STON1: variants seen among roughly 807,000 people sequenced by gnomAD.
STON1 encodes stonin 1.
A neutral mutation model predicts 60.9 loss-of-function variants in STON1; 79 were observed. The observed-to-expected ratio is 1.30, with a 90% CI of 1.08 to 1.56. STON1 has a LOEUF of 1.56. Ranked by LOEUF, STON1 falls within the 40% of genes most tolerant of loss-of-function variation. The pLI, the probability that STON1 is intolerant of heterozygous loss-of-function variation, is 0.00. For missense variants in STON1, 1,166 were observed against 858.9 expected (o/e 1.36, Z -4.47); for synonymous variants, 363 against 306.9 (o/e 1.18, Z -1.91).
Position 48,576,916 on chromosome 2 carries a change from C to T in STON1, c.-47-3671C>T, listed in dbSNP as rs1200973589. 3.3e-5 allele frequency among the ~76,000 whole-genome samples: 5 copies of T among 151,944 alleles called. No individual in the cohort carries two copies. The East Asian group carries it at 5.9e-4, about 18-fold the overall frequency. ...AAAAATACAAAAAATTAGCCGGGCGCGGTGGCGGGCGCCTGTAGTCCCAGC... is the reference window on the plus strand; with the variant it reads ...AAAAATACAAAAAATTAGCCGGGCGTGGTGGCGGGCGCCTGTAGTCCCAGC... On this transcript the variant is annotated intron_variant, in intron 1 of 3. Coordinates refer to ENST00000404752, the MANE Select transcript of STON1 (RefSeq NM_006873.4).
intron 1 of STON1, among the ~76,000 whole-genome samples, chr2:48,557,235 A>G (rs1262880476): frequency 1.6e-5 from 1 of 63,798 alleles, no homozygotes; most frequent in Non-Finnish European, 3.2e-5. Context: ...GTTGCCAGGC[A>G]GAGGGTCTCC....
At position 48,595,554 on chromosome 2, in the gene STON1, C is replaced by G; in HGVS notation, c.*252C>G. 4.5e-6 allele frequency: 2 copies of G among 439,760 alleles called. No homozygotes were observed. Among genetic ancestry groups the G allele is most frequent in the Non-Finnish European group, 8.2e-6 (2 of 244,312 alleles). 27.2% of individuals were successfully genotyped at this position (439,760 alleles called of 1,614,324 possible). A position where few individuals can be genotyped will look rare whatever the true frequency, so the allele number is the denominator to read the frequency against. ...TGTGATGTTTTGCTTCCTATTGAAACTCAAAGGCACTGTTACTCGTTGTGT... is the reference window on the plus strand; with the variant it reads ...TGTGATGTTTTGCTTCCTATTGAAAGTCAAAGGCACTGTTACTCGTTGTGT... On this transcript the variant is annotated 3_prime_UTR_variant, in exon 4 of 4. Coordinates refer to ENST00000404752, the MANE Select transcript of STON1 (RefSeq NM_006873.4).
chr2:48,586,394 GAC>G (rs1674207298), intron 2 of STON1, among the ~76,000 whole-genome samples: 1 of 152,178 alleles, frequency 6.6e-6, no homozygotes, highest in African/African-American at 2.4e-5. Flanking sequence ...TAGAAGGTGA[GAC>G]AGACTCTGAA....
At chr2:48,533,523 T>C (rs2103727303) in intron 1 of STON1, among the ~76,000 whole-genome samples, 1 of 151,708 alleles carries the variant, frequency 6.6e-6, no homozygotes, top group East Asian at 2.0e-4. Flanking sequence ...AACCTGTCTC[T>C]ACTAAAAATA....
Sources: allele counts gnomAD v4.1 joint callset (sites outside exome capture counted in the v4.1 genomes callset), GRCh38; gene constraint gnomAD v4.1.1; transcripts MANE v1.5; gene names NCBI Gene and HGNC (gene_info 2026-07-23, HGNC 2026-07-21).